PCDHGB2: variants seen among roughly 807,000 people sequenced by gnomAD.
PCDHGB2 encodes the protein protocadherin gamma subfamily B, 2, also known as protocadherin gamma-B2.
PCDHGB2 carries 55 observed loss-of-function variants against 59.3 expected under a neutral mutation model. The ratio of observed to expected loss-of-function variants is 0.93; its 90% CI spans 0.75 to 1.16. PCDHGB2 has a LOEUF of 1.16. Ranked by LOEUF, PCDHGB2 falls within the 50% of genes most tolerant of loss-of-function variation. The pLI is 0.00. For missense variants in PCDHGB2, 1,228 were observed against 1,198.5 expected (o/e 1.02, Z -0.36); for synonymous variants, 516 against 512.0 (o/e 1.01, Z -0.11).
At position 141,413,842 on chromosome 5, in the gene PCDHGB2, G is replaced by T. The variant is rs1181086477; in HGVS notation, c.2421+51286G>T. 6.2e-6 allele frequency: 10 copies of T among 1,613,176 alleles called. No homozygotes were observed. In the Admixed American group the frequency reaches 1.7e-4, roughly 27 times the overall value. The stretch of plus-strand genomic sequence containing the variant: ...GGTCCTCACCGCCTCCGACGGGGGT[G>T]ACCCTCTCCGATCTGGCACTGTCCT... On this transcript the variant is annotated intron_variant, in intron 1 of 3. Transcript: ENST00000522605.
intron 1 of PCDHGB2, 62 bp downstream of exon 1, chr5:141,362,618 A>G: frequency 6.5e-7 from 1 of 1,536,872 alleles, no homozygotes; most frequent in Non-Finnish European, 8.8e-7. Flanking sequence ...TTGGGTAGGA[A>G]GTTCCACTGC....
intron 1 of PCDHGB2, among the ~76,000 whole-genome samples, chr5:141,461,805 C>T (rs773854105): frequency 4.6e-5 from 7 of 151,854 alleles, no homozygotes; most frequent in Non-Finnish European, 8.8e-5. Flanking sequence ...AGGTGCCCAC[C>T]ACCACACCCA....
At chr5:141,394,224 A>G (rs375614946) in intron 1 of PCDHGB2, 380 of 1,613,788 alleles carry the variant, frequency 2.4e-4, no homozygotes, top group Middle Eastern at 1.3e-3. Context: ...AGGAGCCTCC[A>G]TCTTTTCCTT....
intron 1 of PCDHGB2, among the ~76,000 whole-genome samples, chr5:141,450,682 T>C (rs112841569): frequency 0.042 from 6,384 of 151,996 alleles, 168 homozygotes; most frequent in Middle Eastern, 0.086. Context: ...AAACGGGGTT[T>C]TGCCATGTTG....
At position 141,415,428 on chromosome 5, in the gene PCDHGB2, G is replaced by T. The variant is rs948747218; in HGVS notation, c.2421+52872G>T. 1.5e-5 allele frequency: 24 copies of T among 1,614,088 alleles called. No individual in the cohort carries two copies. In the Admixed American group the frequency reaches 1.7e-4, roughly 11 times the overall value. ...ACTTTGTGGGCGTGGACGGGGTTCG[G>T]GCTTTCCTGCAGACCTATTCCCACG... On this transcript the variant is annotated intron_variant, in intron 1 of 3. Transcript: ENST00000522605.
chr5:141,370,459 T>G, intron 1 of PCDHGB2: 2 of 1,612,272 alleles, frequency 1.2e-6, no homozygotes, highest in Admixed American at 3.3e-5. Flanking sequence ...CTCTTCCTGC[T>G]CTCTTTGTTA....
Position 141,490,970 on chromosome 5 carries a change from A to G in PCDHGB2, c.2422-3837A>G. ...CCAGACTGGGAACACTCAGCCCCCC[A>G]GCGTCTCCCTCGCTCTGCTCCTCCT... On this transcript the variant is annotated intron_variant, in intron 1 of 3. Coordinates refer to ENST00000522605, the MANE Select transcript of PCDHGB2 (RefSeq NM_018923.3). This position sits in a 1 kb window ranked among gnomAD's most constrained non-coding sequence, Gnocchi z 5.4. 1 of 1,613,858 alleles carries G rather than the reference A, an allele frequency of 6.2e-7. No individual in the cohort carries two copies. Among genetic ancestry groups the G allele is most frequent in the South Asian group, 1.1e-5 (1 of 91,062 alleles).
rs777247531 is a variant in PCDHGB2 at position 141,476,417 on chromosome 5, C to T, written c.2422-18390C>T. 3 of 1,614,112 alleles carry T rather than the reference C, an allele frequency of 1.9e-6. No homozygotes were observed. Among genetic ancestry groups the T allele is most frequent in the Admixed American group, 1.7e-5 (1 of 60,018 alleles). The stretch of plus-strand genomic sequence containing the variant: ...GGATCGAGAGGAGCTGTGTGGGACA[C>T]TGCCCTCTTGCACTGTAACTCTGGA... On this transcript the variant is annotated intron_variant, in intron 1 of 3. Coordinates refer to ENST00000522605, the MANE Select transcript of PCDHGB2 (RefSeq NM_018923.3). The surrounding 1 kb of genome is among the most constrained non-coding windows in gnomAD (Gnocchi z 7.6).
intron 1 of PCDHGB2, among the ~76,000 whole-genome samples, chr5:141,363,487 A>G (rs1467927286): frequency 6.6e-6 from 1 of 152,248 alleles, no homozygotes; most frequent in African/African-American, 2.4e-5. Context: ...TGCATGGATG[A>G]TGAAATAAAA....
chr5:141,502,785 A>G (rs576095718), intron 2 of PCDHGB2, among the ~76,000 whole-genome samples: 2 of 150,900 alleles, frequency 1.3e-5, no homozygotes, highest in East Asian at 3.9e-4. Context: ...AATTACCTGG[A>G]TGATTTCTTC....
chr5:141,497,210 G>T (rs988856908), intron 2 of PCDHGB2, among the ~76,000 whole-genome samples: 1 of 28,140 alleles, frequency 3.6e-5, no homozygotes, highest in African/African-American at 1.1e-3. Context: ...TGAGTGTAAT[G>T]GGGGGGGGAA....
intron 1 of PCDHGB2, chr5:141,415,056 G>A (rs1367441891): frequency 1.2e-6 from 2 of 1,613,416 alleles, no homozygotes; most frequent in East Asian, 2.2e-5. Context: ...GGGAGCACAC[G>A]GGCGAGGTGC....
In PCDHGB2 at chr5:141,491,727, G is replaced by C; in HGVS notation, c.2422-3080G>C. On this transcript the variant is annotated intron_variant, in intron 1 of 3. Transcript: ENST00000522605. This position sits in a 1 kb window ranked among gnomAD's most constrained non-coding sequence, Gnocchi z 6.9. ...TGAGGGGCTCGGCGCCGCCCCGGGC[G>C]ACCCCTGGGGGCGGCACTGGAGAAG... 6.2e-7 allele frequency: 1 copy of C among 1,604,916 alleles called. No individual in the cohort carries two copies. The highest frequency in any genetic ancestry group is 8.5e-7 in the Non-Finnish European group (1 of 1,176,284).
intron 1 of PCDHGB2, chr5:141,375,081 T>C (rs1588758093): frequency 1.9e-6 from 3 of 1,613,960 alleles, no homozygotes; most frequent in Non-Finnish European, 2.5e-6. Context: ...AGAGCGAAAG[T>C]CTTAATAACT....
chr5:141,413,660 T>C (rs747874019), intron 1 of PCDHGB2: 5 of 1,613,752 alleles, frequency 3.1e-6, no homozygotes, highest in Non-Finnish European at 4.2e-6. Flanking sequence ...CCGGAAGCTA[T>C]TGATCCGGAT....
intron 1 of PCDHGB2, chr5:141,418,421 G>A (rs776535087): frequency 2.5e-6 from 4 of 1,613,966 alleles, no homozygotes; most frequent in Non-Finnish European, 3.4e-6. Flanking sequence ...CAATCCTGAT[G>A]GTGGCAAATA....
At chr5:141,478,050 C>G (rs2099429383) in intron 1 of PCDHGB2, 2 of 1,614,184 alleles carry the variant, frequency 1.2e-6, no homozygotes, top group South Asian at 2.2e-5. Context: ...CAGACTCTCA[C>G]GGTCTTGATC....
At chr5:141,445,575 G>A (rs571896159) in intron 1 of PCDHGB2, among the ~76,000 whole-genome samples, 18 of 152,262 alleles carry the variant, frequency 1.2e-4, no homozygotes, top group African/African-American at 4.3e-4. Flanking sequence ...CTTATAGTAG[G>A]GAAGCTTCGC....
At chr5:141,400,533 C>T in intron 1 of PCDHGB2, 11 of 1,613,902 alleles carry the variant, frequency 6.8e-6, no homozygotes, top group Non-Finnish European at 9.3e-6. Context: ...TGGTGAGTTT[C>T]ATTTATGTCT....
Sources: allele counts gnomAD v4.1 joint callset (sites outside exome capture counted in the v4.1 genomes callset), GRCh38; gene constraint gnomAD v4.1.1; non-coding constraint Gnocchi (gnomAD v3.1); transcripts MANE v1.5; gene names NCBI Gene and HGNC (gene_info 2026-07-23, HGNC 2026-07-21).